The following ASZ1 variants were observed in gnomAD, a reference collection of about 807,000 sequenced individuals.
The protein encoded by ASZ1 is ankyrin repeat, SAM and basic leucine zipper domain containing 1, also known as ankyrin repeat, SAM and basic leucine zipper domain-containing protein 1.
In ASZ1, 67 loss-of-function variants were observed where a neutral mutation model predicts 61.8. The ratio of observed to expected loss-of-function variants is 1.08; its 90% CI spans 0.89 to 1.33. ASZ1 has a LOEUF of 1.33. ASZ1 is among the 40% of genes most tolerant of loss of function. The pLI is 0.00. For missense variants in ASZ1, 577 were observed against 554.5 expected (o/e 1.04, Z -0.41); for synonymous variants, 193 against 192.7 (o/e 1.00, Z -0.01).
chr7:117,384,899 G>A, intron 5 of ASZ1, 39 bp from the exon 6 acceptor site: 1 of 1,500,952 alleles, frequency 6.7e-7, no homozygotes, highest in Non-Finnish European at 8.9e-7. Flanking sequence ...TAAAGAGAAG[G>A]AGTGTATATG....
At chr7:117,385,034 T>A (rs1013680017) in intron 5 of ASZ1, among the ~76,000 whole-genome samples, 174 bp from the exon 6 acceptor site, 7 of 152,194 alleles carry the variant, frequency 4.6e-5, no homozygotes, top group African/African-American at 1.7e-4. Context: ...AAAGTTGTAA[T>A]TGCAAAGCTG....
chr7:117,377,693 C>T (rs1044516940), intron 10 of ASZ1, among the ~76,000 whole-genome samples: 1 of 151,914 alleles, frequency 6.6e-6, no homozygotes. Context: ...CATAGAAAAG[C>T]TTTATCTAAA....
At chr7:117,385,193 T>G (rs2116473916) in intron 5 of ASZ1, among the ~76,000 whole-genome samples, 1 of 151,618 alleles carries the variant, frequency 6.6e-6, no homozygotes, top group Middle Eastern at 3.4e-3. Context: ...TGCTGTGTGT[T>G]ACAATTTTTT....
chr7:117,384,285 C>A (rs1206013126), intron 6 of ASZ1, among the ~76,000 whole-genome samples: 1 of 152,050 alleles, frequency 6.6e-6, no homozygotes, highest in African/African-American at 2.4e-5. Flanking sequence ...AGCCCTGTCA[C>A]ACATATAAGA....
chr7:117,376,169 T>A (rs1435318009), intron 10 of ASZ1, among the ~76,000 whole-genome samples: 2 of 152,070 alleles, frequency 1.3e-5, no homozygotes, highest in Non-Finnish European at 2.9e-5. Context: ...CTGGAAATAC[T>A]AGGGGCAACT....
intron 10 of ASZ1, among the ~76,000 whole-genome samples, chr7:117,379,608 T>C (rs1291452872): frequency 5.3e-5 from 8 of 151,796 alleles, no homozygotes. Context: ...AATTTTCAAT[T>C]TAACCTCTAA....
At chr7:117,417,990 A>T (rs1265076462) in intron 4 of ASZ1, among the ~76,000 whole-genome samples, 1 of 152,214 alleles carries the variant, frequency 6.6e-6, no homozygotes, top group African/African-American at 2.4e-5. Context: ...TTCAAATTGA[A>T]TCTGTTTTTC....
At chr7:117,411,847 T>A (rs1452763741) in intron 4 of ASZ1, among the ~76,000 whole-genome samples, 1 of 151,824 alleles carries the variant, frequency 6.6e-6, no homozygotes, top group Non-Finnish European at 1.5e-5. Context: ...CTTGGCAGTC[T>A]GGTTCATAAG....
intron 4 of ASZ1, among the ~76,000 whole-genome samples, chr7:117,394,553 A>C (rs1458220185): frequency 6.6e-6 from 1 of 152,218 alleles, no homozygotes; most frequent in Non-Finnish European, 1.5e-5. Context: ...ATCTTTATTC[A>C]GTGATTCTTT....
At chr7:117,422,402 A>G in intron 2 of ASZ1, 43 bp from the exon 3 acceptor site, 4 of 1,597,294 alleles carry the variant, frequency 2.5e-6, no homozygotes, top group Non-Finnish European at 3.4e-6. Flanking sequence ...ACTACCACCA[A>G]AGAAAAAAAT....
At chr7:117,376,792 CAT>C (rs1194503644) in intron 10 of ASZ1, among the ~76,000 whole-genome samples, 3 of 152,084 alleles carry the variant, frequency 2.0e-5, no homozygotes, top group Non-Finnish European at 4.4e-5. Flanking sequence ...TCCCCAATCT[CAT>C]AATCTACAAA....
At chr7:117,378,432 G>C (rs558706125) in intron 10 of ASZ1, among the ~76,000 whole-genome samples, 4 of 152,162 alleles carry the variant, frequency 2.6e-5, no homozygotes, top group African/African-American at 9.6e-5. Flanking sequence ...ATAAAAGGCT[G>C]TTTGACATCA....
In ASZ1 at chr7:117,379,166, T is replaced by TAC. The variant is rs1314835634; in HGVS notation, c.1055+771_1055+772insGT. 5.4e-3 allele frequency among the ~76,000 whole-genome samples: 331 copies of TAC among 61,696 alleles called. 2 individuals carry two copies. The highest frequency in any genetic ancestry group is 0.032 in the South Asian group (76 of 2,356). The allele number at this position is 61,696 out of a possible 152,430, so 40.5% of individuals were successfully genotyped here. On this transcript the variant is annotated intron_variant, in intron 10 of 12. Transcript: ENST00000284629. The stretch of plus-strand genomic sequence containing the variant: ...ATATATATATATATATATATATATA[T>TAC]ATACACACACACACACACACACACA...
rs149593170 is a variant in ASZ1 at position 117,370,678 on chromosome 7, A to C, written c.1056-1961T>G. On this transcript the variant is annotated intron_variant, in intron 10 of 12. Coordinates refer to ENST00000284629, the MANE Select transcript of ASZ1 (RefSeq NM_130768.3). ...GATGCCACATTCTAGCAGAATGACA[A>C]AAATTAAGTAGATCATTAATATCAA... Among the ~76,000 whole-genome samples the C allele has an allele frequency of 5.9e-5, 9 of 152,302 alleles. No homozygotes were observed. The East Asian group carries it at 1.7e-3, about 29-fold the overall frequency.
Position 117,367,443 on chromosome 7 carries a change from G to T in ASZ1, c.1184C>A (p.Pro395His). Residue 395 changes from proline to histidine, a missense_variant, in exon 12 of 13, where the codon CCC (proline) becomes CAC (histidine). Transcript: ENST00000284629. ...TTCACAAACTGAAGTAAAATTCTGG[G>T]GAGAAGCCCATTCCAGTGTTATCTG... The part of the protein sequence containing the change: ...SQKITLEWAS[P>H]QNFTSVCEEL... The T allele has an allele frequency of 6.5e-7, 1 of 1,540,288 alleles. No individual in the cohort carries two copies.
At chr7:117,379,473 T>C (rs1484000537) in intron 10 of ASZ1, among the ~76,000 whole-genome samples, 2 of 151,910 alleles carry the variant, frequency 1.3e-5, no homozygotes, top group Admixed American at 6.6e-5. Context: ...CTTGACAAGT[T>C]CATAATATTG....
At chr7:117,409,909 T>C (rs897362672) in intron 4 of ASZ1, among the ~76,000 whole-genome samples, 2 of 151,808 alleles carry the variant, frequency 1.3e-5, no homozygotes, top group African/African-American at 2.4e-5. Context: ...TTTCTGACTT[T>C]GCTTGTTAAT....
intron 8 of ASZ1, among the ~76,000 whole-genome samples, chr7:117,381,357 A>C (rs915064279): frequency 6.6e-6 from 1 of 152,122 alleles, no homozygotes; most frequent in Admixed American, 6.6e-5. Context: ...ATTTGGCAGA[A>C]ATTATGTTTT....
intron 10 of ASZ1, among the ~76,000 whole-genome samples, chr7:117,371,940 C>T (rs1472261586): frequency 6.6e-6 from 1 of 152,068 alleles, no homozygotes; most frequent in African/African-American, 2.4e-5. Context: ...AATTTTATTA[C>T]TAGCAAAATT....
Sources: gnomAD v4.1 joint callset for allele counts (sites outside exome capture counted in the v4.1 genomes callset) on GRCh38, gnomAD v4.1.1 for gene constraint, MANE v1.5 for transcripts, NCBI Gene and HGNC (gene_info 2026-07-23, HGNC 2026-07-21) for gene names.